SPATA17: variants seen among roughly 807,000 people sequenced by gnomAD.
SPATA17 encodes spermatogenesis associated 17.
Under a neutral mutation model 62.2 loss-of-function variants are expected in SPATA17, and 53 were observed. The observed-to-expected ratio is 0.85, with a 90% CI of 0.68 to 1.07. SPATA17 has a LOEUF of 1.07. Among genes scored for constraint, SPATA17 ranks in the 50% least tolerant of loss-of-function variants. The pLI, the probability that SPATA17 is intolerant of heterozygous loss-of-function variation, is 0.00. For missense variants in SPATA17, 466 were observed against 425.5 expected (o/e 1.10, Z -0.84); for synonymous variants, 146 against 146.8 (o/e 0.99, Z 0.04).
rs534390659 is a variant in SPATA17 at position 217,782,082 on chromosome 1, C to T, written c.724-92C>T. ...TTTTAAAAATAACTTAGTAAACCTGCTATACTTTGTAGATGTTCACTAGCC... is the reference window on the plus strand; with the variant it reads ...TTTTAAAAATAACTTAGTAAACCTGTTATACTTTGTAGATGTTCACTAGCC... On this transcript the variant is annotated intron_variant, in intron 7 of 10. Coordinates refer to ENST00000366933, the MANE Select transcript of SPATA17 (RefSeq NM_138796.4). 5 of 1,257,438 alleles carry T rather than the reference C, an allele frequency of 4.0e-6. No homozygotes were observed. In the African/African-American group the frequency reaches 4.5e-5, roughly 11 times the overall value. The allele number at this position is 1,257,438 out of a possible 1,614,324, so 77.9% of individuals were successfully genotyped here.
intron 9 of SPATA17, among the ~76,000 whole-genome samples, chr1:217,839,922 G>GT (rs1675352259): frequency 6.6e-6 from 1 of 151,988 alleles, no homozygotes; most frequent in Admixed American, 6.6e-5. Flanking sequence ...AGGACCTAAA[G>GT]TTTATCTATA....
intron 5 of SPATA17, among the ~76,000 whole-genome samples, chr1:217,713,383 C>T (rs926785526): frequency 1.3e-5 from 2 of 152,056 alleles, no homozygotes; most frequent in Non-Finnish European, 2.9e-5. Flanking sequence ...TGAATATATA[C>T]ATACATAAGC....
At position 217,801,877 on chromosome 1, in the gene SPATA17, T is replaced by C. The variant is rs1674322636; in HGVS notation, c.1005+27T>C. The C allele has an allele frequency of 2.5e-6, 4 of 1,572,882 alleles. No homozygotes were observed. The African/African-American group carries it at 4.1e-5, about 16-fold the overall frequency. On this transcript the variant is annotated intron_variant, in intron 9 of 10. Transcript: ENST00000366933. ...TGAGTTAACAAAACATTTTAAAAAG[T>C]TATTCCTTTTTAAAAGCTAGAAATA...
intron 9 of SPATA17, among the ~76,000 whole-genome samples, chr1:217,818,431 A>G (rs8179429): frequency 0.22 from 33,434 of 152,032 alleles, 4,075 homozygotes; most frequent in African/African-American, 0.31. Flanking sequence ...ATAGCCTACT[A>G]CAGACCTACG....
chr1:217,764,128 C>T (rs1157432166), intron 6 of SPATA17, among the ~76,000 whole-genome samples: 3 of 152,112 alleles, frequency 2.0e-5, no homozygotes, highest in African/African-American at 7.2e-5. Flanking sequence ...AGGTTTCATT[C>T]CTGATGCTGT....
chr1:217,857,862 C>T (rs758066128), intron 9 of SPATA17, among the ~76,000 whole-genome samples: 47 of 152,100 alleles, frequency 3.1e-4, no homozygotes, highest in South Asian at 1.2e-3. Context: ...ATACTTGAAG[C>T]GGTCAGTCCT....
chr1:217,655,090 T>C (rs905860576), intron 3 of SPATA17, among the ~76,000 whole-genome samples: 4 of 152,212 alleles, frequency 2.6e-5, no homozygotes, highest in African/African-American at 9.7e-5. Context: ...ACACTATTCA[T>C]ATTTTACTGA....
At chr1:217,661,954 C>G (rs1180466731) in intron 3 of SPATA17, among the ~76,000 whole-genome samples, 1 of 152,164 alleles carries the variant, frequency 6.6e-6, no homozygotes, top group Non-Finnish European at 1.5e-5. Context: ...CCCTTCCTTA[C>G]TCCATTCGTT....
intron 3 of SPATA17, among the ~76,000 whole-genome samples, chr1:217,663,351 G>A (rs886990192): frequency 7.3e-5 from 11 of 151,618 alleles, no homozygotes; most frequent in South Asian, 2.1e-4. Context: ...AGGCTGAGAC[G>A]GGAGAATCGC....
intron 9 of SPATA17, among the ~76,000 whole-genome samples, chr1:217,860,690 G>T (rs1675881264): frequency 6.6e-6 from 1 of 151,900 alleles, no homozygotes; most frequent in Non-Finnish European, 1.5e-5. Context: ...TGTTAGCATG[G>T]TATATCTTTC....
At chr1:217,729,906 C>G (rs952402217) in intron 5 of SPATA17, among the ~76,000 whole-genome samples, 1 of 151,782 alleles carries the variant, frequency 6.6e-6, no homozygotes, top group Non-Finnish European at 1.5e-5. Context: ...TGCTTCAGTC[C>G]CAAGAAGGAA....
At chr1:217,833,844 ATGT>A (rs1288225472) in intron 9 of SPATA17, among the ~76,000 whole-genome samples, 1 of 152,278 alleles carries the variant, frequency 6.6e-6, no homozygotes, top group African/African-American at 2.4e-5. Flanking sequence ...AAAAGTTGAA[ATGT>A]TGTAGTAACC....
intron 5 of SPATA17, among the ~76,000 whole-genome samples, chr1:217,732,970 AC>A (rs1672432415): frequency 6.6e-6 from 1 of 152,182 alleles, no homozygotes. Flanking sequence ...AGAATACTAT[AC>A]AAAAATTCTT....
At position 217,846,763 on chromosome 1, in the gene SPATA17, T is replaced by C. The variant is rs1324266765; in HGVS notation, c.1006-16011T>C. ...TTAAGTTTTTATAAAAAGGGCTTTA[T>C]TAAATAAGATAATAGTTTAAGCAAC... On this transcript the variant is annotated intron_variant, in intron 9 of 10. Transcript: ENST00000366933. Among the ~76,000 whole-genome samples the C allele has an allele frequency of 2.0e-5, 3 of 152,068 alleles. No individual in the cohort carries two copies. The East Asian group carries it at 5.8e-4, about 29-fold the overall frequency.
At chr1:217,802,428 T>C (rs2102988101) in intron 9 of SPATA17, among the ~76,000 whole-genome samples, 1 of 152,322 alleles carries the variant, frequency 6.6e-6, no homozygotes, top group Admixed American at 6.5e-5. Flanking sequence ...CTATAGACTA[T>C]GTGGCTTCAA....
At chr1:217,682,876 G>A (rs1284333623) in intron 4 of SPATA17, among the ~76,000 whole-genome samples, 5 of 151,876 alleles carry the variant, frequency 3.3e-5, no homozygotes, top group African/African-American at 4.8e-5. Context: ...AAAACTAAAC[G>A]TATATTTCAA....
intron 9 of SPATA17, among the ~76,000 whole-genome samples, chr1:217,808,678 C>A (rs1045528957): frequency 6.6e-6 from 1 of 151,894 alleles, no homozygotes; most frequent in African/African-American, 2.4e-5. Flanking sequence ...ATGGTGAAAC[C>A]CTGTCTCTAC....
chr1:217,666,817 G>A (rs1030063370), intron 3 of SPATA17, among the ~76,000 whole-genome samples: 1 of 151,982 alleles, frequency 6.6e-6, no homozygotes, highest in Admixed American at 6.6e-5. Flanking sequence ...AAAATATTTT[G>A]TTGCATATGC....
At chr1:217,731,683 A>G (rs1672404952) in intron 5 of SPATA17, among the ~76,000 whole-genome samples, 1 of 152,152 alleles carries the variant, frequency 6.6e-6, no homozygotes, top group African/African-American at 2.4e-5. Flanking sequence ...TGAAATATAA[A>G]CACTGGGATT....
Sources: gnomAD v4.1 joint callset for allele counts (sites outside exome capture counted in the v4.1 genomes callset) on GRCh38, gnomAD v4.1.1 for gene constraint, MANE v1.5 for transcripts, NCBI Gene and HGNC (gene_info 2026-07-23, HGNC 2026-07-21) for gene names.